The following NRXN3 variants were observed in gnomAD, a reference collection of about 807,000 sequenced individuals.
NRXN3 encodes neurexin 3, also known as neurexin III.
NRXN3 carries 32 observed loss-of-function variants against 137.6 expected under a neutral mutation model. The ratio of observed to expected loss-of-function variants is 0.23; its 90% CI spans 0.18 to 0.31. The LOEUF (loss-of-function observed/expected upper bound fraction) is 0.31. Ranked by LOEUF, NRXN3 falls within the 10% of genes least tolerant of loss-of-function variation. NRXN3 has a pLI of 1.00. For synonymous variants in NRXN3, 798 were observed against 784.5 expected, an observed-to-expected ratio of 1.02 and a Z score of -0.29; for missense variants, 1,574 against 2,062.5, an observed-to-expected ratio of 0.76 and a Z score of 4.59.
chr14:79,296,519 T>A (rs1052128720), intron 15 of NRXN3, among the ~76,000 whole-genome samples: 1 of 151,792 alleles, frequency 6.6e-6, no homozygotes, highest in Non-Finnish European at 1.5e-5. Flanking sequence ...AGAGCTCAGT[T>A]GTGAGAAGGG....
At chr14:78,340,293 G>A (rs1283301970) in intron 4 of NRXN3, among the ~76,000 whole-genome samples, 1 of 152,216 alleles carries the variant, frequency 6.6e-6, no homozygotes, top group African/African-American at 2.4e-5. Context: ...CATCTCCGAA[G>A]ATGTATGTTT....
intron 15 of NRXN3, among the ~76,000 whole-genome samples, chr14:79,175,270 G>A (rs544763743): frequency 3.0e-4 from 45 of 152,214 alleles, no homozygotes; most frequent in African/African-American, 1.0e-3. Flanking sequence ...ATGAGCCACC[G>A]TGCCCAGCCC....
chr14:79,776,175 A>G (rs926817107), intron 19 of NRXN3, among the ~76,000 whole-genome samples: 2 of 152,134 alleles, frequency 1.3e-5, no homozygotes, highest in Admixed American at 1.3e-4. Context: ...CACTGTTACT[A>G]TGGTGATGTA....
At chr14:78,389,015 G>A (rs1480861466) in intron 4 of NRXN3, among the ~76,000 whole-genome samples, 1 of 150,576 alleles carries the variant, frequency 6.6e-6, no homozygotes, top group Admixed American at 6.6e-5. Context: ...ACTTCTAGTA[G>A]TGAGATTACT....
intron 15 of NRXN3, among the ~76,000 whole-genome samples, chr14:79,123,263 G>A (rs2055800696): frequency 6.6e-6 from 1 of 152,022 alleles, no homozygotes; most frequent in African/African-American, 2.4e-5. Context: ...ACACACACAA[G>A]CCTGGGAAGG....
chr14:78,297,998 A>AG, intron 4 of NRXN3, 138 bp downstream of exon 4: 8 of 942,146 alleles, frequency 8.5e-6, no homozygotes, highest in Non-Finnish European at 1.1e-5. Context: ...TGGCTGCAGG[A>AG]CCACCCTGCA....
chr14:78,957,965 G>A (rs1597886499), intron 11 of NRXN3, among the ~76,000 whole-genome samples: 1 of 152,128 alleles, frequency 6.6e-6, no homozygotes, highest in East Asian at 1.9e-4. Flanking sequence ...CATTTAGAAT[G>A]TGGAAAGAAA....
chr14:79,063,470 G>A (rs1381957142), intron 15 of NRXN3, among the ~76,000 whole-genome samples: 1 of 152,054 alleles, frequency 6.6e-6, no homozygotes, highest in Non-Finnish European at 1.5e-5. Flanking sequence ...TTTTAGTAGA[G>A]ATGAGGTTTC....
chr14:79,775,434 T>TG (rs766758267), intron 19 of NRXN3, among the ~76,000 whole-genome samples: 5 of 151,494 alleles, frequency 3.3e-5, no homozygotes, highest in East Asian at 3.9e-4. Flanking sequence ...GGATATGGAT[T>TG]GGGGGGCGTG....
intron 10 of NRXN3, among the ~76,000 whole-genome samples, chr14:78,902,517 G>A (rs2099199959): frequency 6.6e-6 from 1 of 152,004 alleles, no homozygotes. Flanking sequence ...AGAAATAAAA[G>A]CAGAGGAGGA....
chr14:79,500,724 C>T (rs1175675548), intron 16 of NRXN3, among the ~76,000 whole-genome samples: 1 of 152,146 alleles, frequency 6.6e-6, no homozygotes, highest in Non-Finnish European at 1.5e-5. Context: ...AATCTGCCTC[C>T]TCTGTGGGTT....
intron 15 of NRXN3, among the ~76,000 whole-genome samples, chr14:79,207,439 G>A (rs1445013410): frequency 2.0e-5 from 3 of 152,172 alleles, no homozygotes; most frequent in Admixed American, 1.3e-4. Context: ...GGAATAGCAA[G>A]CATTTCAAAG....
At chr14:79,776,568 G>A (rs2099097788) in intron 19 of NRXN3, among the ~76,000 whole-genome samples, 1 of 152,180 alleles carries the variant, frequency 6.6e-6, no homozygotes, top group Non-Finnish European at 1.5e-5. Flanking sequence ...TTGTCAGTGT[G>A]TGCTGTTCTG....
intron 10 of NRXN3, among the ~76,000 whole-genome samples, chr14:78,872,557 G>A (rs1291277156): frequency 2.0e-5 from 3 of 151,694 alleles, no homozygotes; most frequent in African/African-American, 7.3e-5. Flanking sequence ...AATCTTGGCT[G>A]TTTGTTGTCA....
chr14:79,255,581 A>C (rs1245160549), intron 15 of NRXN3, among the ~76,000 whole-genome samples: 1 of 152,264 alleles, frequency 6.6e-6, no homozygotes, highest in East Asian at 1.9e-4. Flanking sequence ...AGATAATTTA[A>C]AGTAGAATGT....
intron 11 of NRXN3, among the ~76,000 whole-genome samples, chr14:78,964,817 C>T (rs1567839311): frequency 6.6e-6 from 1 of 151,832 alleles, no homozygotes; most frequent in Non-Finnish European, 1.5e-5. Flanking sequence ...TCCTTATCCC[C>T]TCTGCCCTAG....
At chr14:79,397,831 C>A (rs1032024058) in intron 15 of NRXN3, among the ~76,000 whole-genome samples, 1 of 152,292 alleles carries the variant, frequency 6.6e-6, no homozygotes, top group South Asian at 2.1e-4. Flanking sequence ...GCAGAAAATC[C>A]TTAGCTACAA....
chr14:78,575,915 C>A (rs1167690689), intron 4 of NRXN3, among the ~76,000 whole-genome samples: 1 of 152,132 alleles, frequency 6.6e-6, no homozygotes, highest in Non-Finnish European at 1.5e-5. Flanking sequence ...TTAACAGTGA[C>A]AGCATACTGC....
chr14:78,322,420 G>C (rs1470615351), intron 4 of NRXN3, among the ~76,000 whole-genome samples: 1 of 151,922 alleles, frequency 6.6e-6, no homozygotes, highest in Non-Finnish European at 1.5e-5. Context: ...TGGAGTCCAA[G>C]ACCTCCAATA....
Sources: allele counts gnomAD v4.1 joint callset (sites outside exome capture counted in the v4.1 genomes callset), GRCh38; gene constraint gnomAD v4.1.1; transcripts MANE v1.5; gene names NCBI Gene and HGNC (gene_info 2026-07-23, HGNC 2026-07-21).